The following CCDC91 variants were observed in gnomAD, a reference collection of about 807,000 sequenced individuals.
The protein encoded by CCDC91 is coiled-coil domain-containing protein 91.
CCDC91 carries 48 observed loss-of-function variants against 63.2 expected under a neutral mutation model. The ratio of observed to expected loss-of-function variants is 0.76; its 90% CI spans 0.60 to 0.97. The LOEUF is 0.97. Ranked by LOEUF, CCDC91 falls within the 50% of genes least tolerant of loss-of-function variation. The pLI, the probability that CCDC91 is intolerant of heterozygous loss-of-function variation, is 0.00. For synonymous variants in CCDC91, 167 were observed against 165.8 expected (o/e 1.01, Z -0.06); for missense variants, 500 against 494.6 (o/e 1.01, Z -0.10).
chr12:28,515,907 T>G (rs1201521583), intron 12 of CCDC91, among the ~76,000 whole-genome samples: 1 of 151,880 alleles, frequency 6.6e-6, no homozygotes, highest in East Asian at 1.9e-4. Flanking sequence ...CAGTCACTAC[T>G]ATCCCCTCAA....
chr12:28,475,448 A>G (rs1951031742), intron 11 of CCDC91, among the ~76,000 whole-genome samples: 1 of 152,094 alleles, frequency 6.6e-6, no homozygotes, highest in Non-Finnish European at 1.5e-5. Context: ...CTGTATATCT[A>G]TTAAAATTTT....
chr12:28,305,320 A>AAT lies in CCDC91; in HGVS notation c.110-318_110-317dup, dbSNP rs1032714265. ...TTCTGAATGAAATGTATGAATATAT[A>AAT]ATATATATATATGAGTATTTTCTCT... On this transcript the variant is annotated intron_variant, in intron 3 of 12. Transcript: ENST00000536442. 6.6e-5 allele frequency among the ~76,000 whole-genome samples: 10 copies of AAT among 151,848 alleles called. No individual in the cohort carries two copies. In the South Asian group the frequency reaches 8.3e-4, roughly 13 times the overall value.
At chr12:28,199,783 G>A (rs558012490) in intron 1 of CCDC91, among the ~76,000 whole-genome samples, 8 of 152,252 alleles carry the variant, frequency 5.3e-5, no homozygotes, top group Middle Eastern at 3.4e-3. Context: ...TCTGGCCTCC[G>A]TGGTTTTTAG....
intron 6 of CCDC91, among the ~76,000 whole-genome samples, chr12:28,351,304 G>C (rs1049587383): frequency 6.6e-6 from 1 of 152,090 alleles, no homozygotes; most frequent in Admixed American, 6.5e-5. Context: ...TCAGATTCCC[G>C]TCTGAAAGAG....
intron 8 of CCDC91, among the ~76,000 whole-genome samples, chr12:28,417,615 T>C (rs1431585503): frequency 1.1e-5 from 1 of 93,686 alleles, no homozygotes; most frequent in Non-Finnish European, 2.2e-5. Flanking sequence ...AACGTGAACC[T>C]TTGAGATATA....
intron 3 of CCDC91, among the ~76,000 whole-genome samples, chr12:28,287,363 C>G (rs1272283979): frequency 2.0e-5 from 3 of 152,082 alleles, no homozygotes; most frequent in Admixed American, 2.0e-4. Context: ...AGTCTTTAAT[C>G]CACTCTTATG....
chr12:28,191,074 C>T (rs1941191983), intron 1 of CCDC91, among the ~76,000 whole-genome samples: 1 of 152,240 alleles, frequency 6.6e-6, no homozygotes, highest in Admixed American at 6.5e-5. Flanking sequence ...ACAGCGTCTG[C>T]CAGCCACATT....
At chr12:28,447,174 A>G (rs1949543629) in intron 8 of CCDC91, among the ~76,000 whole-genome samples, 1 of 152,182 alleles carries the variant, frequency 6.6e-6, no homozygotes, top group African/African-American at 2.4e-5. Context: ...GCATAAAAAT[A>G]AACATTTTTT....
At chr12:28,439,407 G>A (rs974541799) in intron 8 of CCDC91, among the ~76,000 whole-genome samples, 5 of 151,056 alleles carry the variant, frequency 3.3e-5, no homozygotes, top group Admixed American at 6.6e-5. Context: ...AAGTGGAGGC[G>A]TATTTACGAG....
chr12:28,330,190 C>G (rs1941379866), intron 6 of CCDC91, among the ~76,000 whole-genome samples: 1 of 152,186 alleles, frequency 6.6e-6, no homozygotes, highest in South Asian at 2.1e-4. Context: ...GGAATCGCCA[C>G]ACTGTCTTCC....
intron 12 of CCDC91, among the ~76,000 whole-genome samples, chr12:28,502,396 A>C (rs938932860): frequency 1.3e-5 from 2 of 151,940 alleles, no homozygotes; most frequent in Non-Finnish European, 2.9e-5. Flanking sequence ...GACCTCTTCA[A>C]GGAGAACTAC....
At chr12:28,447,430 A>G (rs997650617) in intron 8 of CCDC91, among the ~76,000 whole-genome samples, 1 of 151,848 alleles carries the variant, frequency 6.6e-6, no homozygotes, top group South Asian at 2.1e-4. Context: ...TCACTTCTTT[A>G]TATTTTTTAT....
At chr12:28,537,846 C>T (rs980211681) in intron 12 of CCDC91, among the ~76,000 whole-genome samples, 18 of 152,258 alleles carry the variant, frequency 1.2e-4, no homozygotes, top group East Asian at 1.9e-4. Flanking sequence ...TTGATGATTT[C>T]GCCCAATAAC....
At chr12:28,402,614 T>C (rs911993057) in intron 8 of CCDC91, among the ~76,000 whole-genome samples, 1 of 150,928 alleles carries the variant, frequency 6.6e-6, no homozygotes, top group Non-Finnish European at 1.5e-5. Context: ...TATTTCTTTC[T>C]TCTCAATCCA....
intron 1 of CCDC91, among the ~76,000 whole-genome samples, chr12:28,230,799 T>A (rs1160263725): frequency 1.3e-5 from 2 of 151,742 alleles, no homozygotes; most frequent in African/African-American, 4.9e-5. Context: ...ACATTTTGTA[T>A]TTTTTTGTAG....
At position 28,306,886 on chromosome 12, in the gene CCDC91, A is replaced by G; in HGVS notation, c.412A>G (p.Ile138Val). The G allele has an allele frequency of 1.2e-6, 2 of 1,612,294 alleles. No homozygotes were observed. The highest frequency in any genetic ancestry group is 8.5e-7 in the Non-Finnish European group (1 of 1,178,794). Residue 138 changes from isoleucine to valine, a missense_variant, in exon 5 of 13, where the codon ATT becomes GTT. Physicochemically the swap from Ile to Val is conservative, Grantham distance 29. Transcript: ENST00000536442. ...NVSNIQLQQK[I>V]SSLEIKLKVS... ...ATCTAACATACAGCTTCAGCAAAAA[A>G]TTTCAAGTCTGGAGATTAAACTCAA...
In CCDC91 at chr12:28,404,730, T is replaced by C. The variant is rs116722156; in HGVS notation, c.762+13319T>C. On this transcript the variant is annotated intron_variant, in intron 8 of 12. Transcript: ENST00000536442. ...ATGTTTTCTTGGAGAATCAACACTT[T>C]TATTATTATATAATGCCCTTCTTTA... Among the ~76,000 whole-genome samples the C allele has an allele frequency of 5.9e-3, 899 of 152,222 alleles. 9 individuals are homozygous for C. Among genetic ancestry groups the C allele is most frequent in the African/African-American group, 0.021 (873 of 41,554 alleles).
intron 8 of CCDC91, among the ~76,000 whole-genome samples, chr12:28,448,988 G>A (rs1463379318): frequency 6.6e-6 from 1 of 151,978 alleles, no homozygotes; most frequent in Non-Finnish European, 1.5e-5. Context: ...CTACTCATTT[G>A]TTAATTAGCT....
chr12:28,405,704 A>G (rs1946893696), intron 8 of CCDC91, among the ~76,000 whole-genome samples: 1 of 152,188 alleles, frequency 6.6e-6, no homozygotes, highest in Non-Finnish European at 1.5e-5. Flanking sequence ...AACATGTGAC[A>G]TCAGAATAAA....
Sources: allele counts gnomAD v4.1 joint callset (sites outside exome capture counted in the v4.1 genomes callset), GRCh38; gene constraint gnomAD v4.1.1; transcripts MANE v1.5; gene names NCBI Gene and HGNC (gene_info 2026-07-23, HGNC 2026-07-21).